The following MGST3 variants were observed in gnomAD, a reference collection of about 807,000 sequenced individuals.
MGST3 encodes the protein glutathione S-transferase 3, mitochondrial.
MGST3 carries 13 observed loss-of-function variants against 15.8 expected under a neutral mutation model. The observed-to-expected ratio is 0.82, with a 90% CI of 0.54 to 1.31. The LOEUF (loss-of-function observed/expected upper bound fraction) is 1.31. Ranked by LOEUF, MGST3 falls within the 50% of genes most tolerant of loss-of-function variation. MGST3 has a pLI of 0.00. For missense variants in MGST3, 155 were observed against 192.4 expected (o/e 0.81, Z 1.15); for synonymous variants, 49 against 68.1 (o/e 0.72, Z 1.38).
rs80175220 is a variant in MGST3 at position 165,639,007 on chromosome 1, A to G, written c.-8+7714A>G. On this transcript the variant is annotated intron_variant, in intron 1 of 5. Coordinates refer to ENST00000367889, the MANE Select transcript of MGST3 (RefSeq NM_004528.4). ...ACCAGGACAATCAGTCAAGAAAAAA[A>G]AATAAATAAAAGACATCCACATTGG... Among the ~76,000 whole-genome samples, 1,492 of 150,694 alleles carry G rather than the reference A, an allele frequency of 9.9e-3. 51 individuals are homozygous for G. Among genetic ancestry groups the G allele is most frequent in the Admixed American group, 0.059 (903 of 15,242 alleles).
At chr1:165,644,096 A>G (rs577594718) in intron 1 of MGST3, among the ~76,000 whole-genome samples, 1 of 151,642 alleles carries the variant, frequency 6.6e-6, no homozygotes, top group African/African-American at 2.4e-5. Context: ...GCTGTCCTCT[A>G]GATGGTTCTA....
At chr1:165,650,732 G>A (rs1369392405) in intron 2 of MGST3, 9 of 436,636 alleles carry the variant, frequency 2.1e-5, no homozygotes, top group East Asian at 9.4e-5. Flanking sequence ...GATGCTTAAC[G>A]TCAATGAAAA....
intron 4 of MGST3, among the ~76,000 whole-genome samples, chr1:165,652,602 G>C (rs1397877232): frequency 6.6e-6 from 1 of 152,154 alleles, no homozygotes. Context: ...CAGGGAGGGG[G>C]GCTTTGCTGA....
At position 165,654,359 on chromosome 1, in the gene MGST3, T is replaced by A; in HGVS notation, c.322+8T>A. 1 of 1,612,874 alleles carries A rather than the reference T, an allele frequency of 6.2e-7. No individual in the cohort carries two copies. The highest frequency in any genetic ancestry group is 8.5e-7 in the Non-Finnish European group (1 of 1,178,856). ...ATGGCTATTACACGGGAGGTTAGTA[T>A]ATATTGACATTTGCCAAGGAAACAA... is the stretch of plus-strand genomic sequence containing the variant. On this transcript the variant is annotated splice_region_variant and intron_variant, in intron 5 of 5. Coordinates refer to ENST00000367889, the MANE Select transcript of MGST3 (RefSeq NM_004528.4).
chr1:165,633,531 T>C (rs1052247231), intron 1 of MGST3, among the ~76,000 whole-genome samples: 10 of 152,016 alleles, frequency 6.6e-5, no homozygotes, highest in African/African-American at 2.4e-4. Flanking sequence ...TTTTATTTTA[T>C]AAATAAATGA....
At chr1:165,633,703 C>T (rs951235292) in intron 1 of MGST3, among the ~76,000 whole-genome samples, 6 of 152,142 alleles carry the variant, frequency 3.9e-5, no homozygotes, top group African/African-American at 1.4e-4. Flanking sequence ...AAATTAACTA[C>T]AGTCTGCCTG....
At chr1:165,648,130 A>G (rs1231499425) in intron 1 of MGST3, among the ~76,000 whole-genome samples, 1 of 152,208 alleles carries the variant, frequency 6.6e-6, no homozygotes, top group Non-Finnish European at 1.5e-5. Context: ...ACACTTGGGA[A>G]GAGAATGTGG....
chr1:165,654,680 G>A (rs1340659236), intron 5 of MGST3, among the ~76,000 whole-genome samples: 2 of 151,998 alleles, frequency 1.3e-5, no homozygotes, highest in Non-Finnish European at 2.9e-5. Flanking sequence ...GACAGAGCAA[G>A]ATCCTATCTC....
intron 1 of MGST3, among the ~76,000 whole-genome samples, chr1:165,642,999 T>C (rs1648301728): frequency 6.6e-6 from 1 of 152,234 alleles, no homozygotes; most frequent in African/African-American, 2.4e-5. Flanking sequence ...TTTTTAGATA[T>C]GTATTTGCTC....
intron 1 of MGST3, chr1:165,649,457 T>G: frequency 5.0e-6 from 1 of 198,262 alleles, no homozygotes. Context: ...CCCCTCCCTA[T>G]GTAATGTATA....
At chr1:165,639,749 G>C (rs893310349) in intron 1 of MGST3, among the ~76,000 whole-genome samples, 1 of 152,168 alleles carries the variant, frequency 6.6e-6, no homozygotes, top group East Asian at 1.9e-4. Context: ...GCTGCAGTGA[G>C]CTGAGATAGC....
chr1:165,644,444 A>G (rs187638382), intron 1 of MGST3, among the ~76,000 whole-genome samples: 83 of 152,312 alleles, frequency 5.4e-4, no homozygotes, highest in Non-Finnish European at 1.0e-3. Context: ...AAAAGACAAA[A>G]AATGGTACAC....
intron 1 of MGST3, among the ~76,000 whole-genome samples, chr1:165,642,986 G>A (rs905556346): frequency 6.6e-5 from 10 of 152,152 alleles, no homozygotes; most frequent in African/African-American, 2.4e-4. Flanking sequence ...GCCACTCTAA[G>A]TTTTTTTAGA....
chr1:165,632,594 T>TA (rs1309016316), intron 1 of MGST3, among the ~76,000 whole-genome samples: 1 of 152,188 alleles, frequency 6.6e-6, no homozygotes, highest in Non-Finnish European at 1.5e-5. Context: ...GACACAATGT[T>TA]ACGGAAATAG....
At position 165,649,857 on chromosome 1, in the gene MGST3, C is replaced by T. The variant is rs2101723008; in HGVS notation, c.10C>T (p.Leu4Phe). ...CTTCCACAGACGCAAGATGGCTGTC[C>T]TCTCTAAGGAATATGGTTTTGTGCT... MAV[L>F]SKEYGFVLLT... The change falls in exon 2 of 6, where the codon CTC (leucine) becomes TTC (phenylalanine). Residue 4 changes from leucine (L) to phenylalanine (F), a missense_variant. Coordinates refer to ENST00000367889, the MANE Select transcript of MGST3 (RefSeq NM_004528.4). The T allele has an allele frequency of 1.9e-6, 3 of 1,614,130 alleles. No individual in the cohort carries two copies. The highest frequency in any genetic ancestry group is 2.5e-6 in the Non-Finnish European group (3 of 1,180,044).
intron 1 of MGST3, among the ~76,000 whole-genome samples, chr1:165,634,780 T>TCC (rs1648061073): frequency 1.6e-5 from 1 of 62,132 alleles, no homozygotes; most frequent in African/African-American, 7.1e-5. Context: ...TCTCCCTCCC[T>TCC]CTCCCTCCCT....
intron 3 of MGST3, chr1:165,651,482 C>T: frequency 2.9e-6 from 1 of 342,730 alleles, no homozygotes; most frequent in East Asian, 7.3e-5. Flanking sequence ...TTTTACTCAG[C>T]ATGTTCCAAG....
intron 1 of MGST3, among the ~76,000 whole-genome samples, chr1:165,643,742 C>T (rs1041762520): frequency 1.3e-5 from 2 of 151,658 alleles, no homozygotes; most frequent in East Asian, 1.9e-4. Flanking sequence ...GTGGCGGGCG[C>T]CTGTGATCCC....
chr1:165,651,476 A>G, intron 3 of MGST3: 1 of 346,496 alleles, frequency 2.9e-6, no homozygotes. Flanking sequence ...AGGTCCTTTT[A>G]CTCAGCATGT....
Sources: gnomAD v4.1 joint callset for allele counts (sites outside exome capture counted in the v4.1 genomes callset) on GRCh38, gnomAD v4.1.1 for gene constraint, MANE v1.5 for transcripts, NCBI Gene and HGNC (gene_info 2026-07-23, HGNC 2026-07-21) for gene names.